Variants in DYM observed in about 807,000 individuals in gnomAD.
The protein encoded by DYM is dyggve-Melchior-Clausen syndrome protein.
DYM carries 78 observed loss-of-function variants against 93.1 expected under a neutral mutation model. The ratio of observed to expected loss-of-function variants is 0.84; its 90% CI spans 0.70 to 1.01. DYM has a LOEUF of 1.01. Ranked by LOEUF, DYM falls within the 50% of genes least tolerant of loss-of-function variation. DYM has a pLI of 0.00. For missense variants in DYM, 789 were observed against 845.0 expected, an observed-to-expected ratio of 0.93 and a Z score of 0.82; for synonymous variants, 321 against 319.7, an observed-to-expected ratio of 1.00 and a Z score of -0.04.
intron 1 of DYM, among the ~76,000 whole-genome samples, chr18:49,446,678 TAC>T (rs1304984427): frequency 3.9e-5 from 6 of 152,278 alleles, no homozygotes; most frequent in Non-Finnish European, 8.8e-5. Flanking sequence ...GGGAATGATA[TAC>T]AGAGATACGG....
intron 1 of DYM, among the ~76,000 whole-genome samples, chr18:49,443,690 A>C (rs73445789): frequency 0.036 from 5,528 of 152,278 alleles, 319 homozygotes; most frequent in African/African-American, 0.12. Flanking sequence ...GAGCAGGAAA[A>C]TGGGCAAATG....
At position 49,333,774 on chromosome 18, in the gene DYM, C is replaced by G. The variant is rs1383825368; in HGVS notation, c.574G>C (p.Val192Leu). The G allele has an allele frequency of 6.2e-7, 1 of 1,613,918 alleles. No individual in the cohort carries two copies. The highest frequency in any genetic ancestry group is 8.5e-7 in the Non-Finnish European group (1 of 1,179,948). Residue 192 changes from valine to leucine, a missense_variant, in exon 7 of 18, where the codon GTT (valine) becomes CTT (leucine). Physicochemically the swap from Val to Leu is conservative, Grantham distance 32. This residue lies in a region of DYM where 450 missense variants were observed against 436.2 expected (regional missense o/e 1.03). Transcript: ENST00000675505. ...TTGTGGCTGATGCTCTGTCGCAAAA[C>G]TTCTTTGTGGAAGAGTTGGCAGGAA... Reference protein sequence around the residue: ...FLSCQLFHKEVLRQSISHKYL... With the variant: ...FLSCQLFHKELLRQSISHKYL...
chr18:49,247,930 C>A (rs1294050530), intron 13 of DYM, among the ~76,000 whole-genome samples: 1 of 152,166 alleles, frequency 6.6e-6, no homozygotes, highest in Non-Finnish European at 1.5e-5. Context: ...TTCAAAGTAC[C>A]ACTGGCTGTA....
intron 17 of DYM, among the ~76,000 whole-genome samples, chr18:49,069,728 C>T (rs1250983064): frequency 1.3e-5 from 2 of 152,098 alleles, no homozygotes; most frequent in East Asian, 3.9e-4. Context: ...GACTTGGGAA[C>T]CAGATGGCTA....
chr18:49,128,444 A>C (rs1390873463), intron 15 of DYM, among the ~76,000 whole-genome samples: 1 of 152,242 alleles, frequency 6.6e-6, no homozygotes, highest in Non-Finnish European at 1.5e-5. Context: ...ATCTAAGTAA[A>C]GCAATACTTT....
At chr18:49,276,928 G>A (rs1233469220) in intron 10 of DYM, among the ~76,000 whole-genome samples, 2 of 152,128 alleles carry the variant, frequency 1.3e-5, no homozygotes, top group African/African-American at 4.8e-5. Context: ...CAAAGGAATC[G>A]CAATGAGGAA....
intron 5 of DYM, among the ~76,000 whole-genome samples, chr18:49,369,252 G>C (rs913776384): frequency 1.3e-5 from 2 of 152,138 alleles, no homozygotes; most frequent in African/African-American, 2.4e-5. Context: ...CTGAGCCCTC[G>C]TCTCAGTAGG....
chr18:49,228,616 C>T (rs1199992389), intron 13 of DYM, among the ~76,000 whole-genome samples: 5 of 152,162 alleles, frequency 3.3e-5, no homozygotes, highest in Admixed American at 3.3e-4. Context: ...TTATAGTTAT[C>T]ACTTTATTCA....
At chr18:49,183,006 G>A (rs542677355) in intron 14 of DYM, among the ~76,000 whole-genome samples, 13 of 152,278 alleles carry the variant, frequency 8.5e-5, no homozygotes, top group Admixed American at 3.3e-4. Context: ...GATATTTTAC[G>A]TAGAAACTTA....
chr18:49,133,401 AAAC>A (rs2083551572), intron 15 of DYM, among the ~76,000 whole-genome samples: 1 of 152,196 alleles, frequency 6.6e-6, no homozygotes, highest in African/African-American at 2.4e-5. Context: ...TAGCCGCTTA[AAAC>A]AACACAAAAT....
At chr18:49,443,517 A>G (rs922604529) in intron 1 of DYM, among the ~76,000 whole-genome samples, 2 of 152,212 alleles carry the variant, frequency 1.3e-5, no homozygotes, top group Non-Finnish European at 2.9e-5. Context: ...TGGACTGTAG[A>G]TTGTTTAAAT....
intron 6 of DYM, among the ~76,000 whole-genome samples, chr18:49,355,330 T>G (rs2065456402): frequency 6.6e-6 from 1 of 151,972 alleles, no homozygotes; most frequent in African/African-American, 2.4e-5. Flanking sequence ...CATCAATGTA[T>G]AGACAGATGT....
chr18:49,219,510 A>T (rs2093249955), intron 13 of DYM, among the ~76,000 whole-genome samples: 1 of 152,102 alleles, frequency 6.6e-6, no homozygotes, highest in African/African-American at 2.4e-5. Flanking sequence ...ATCCTCAATA[A>T]AATACTGGCA....
chr18:49,406,790 C>A (rs568187602), intron 2 of DYM, among the ~76,000 whole-genome samples: 1 of 152,298 alleles, frequency 6.6e-6, no homozygotes, highest in Non-Finnish European at 1.5e-5. Context: ...TTGGCAATTT[C>A]CTATAAGGCT....
chr18:49,107,671 C>T (rs1599796874), intron 16 of DYM, among the ~76,000 whole-genome samples: 1 of 152,332 alleles, frequency 6.6e-6, no homozygotes, highest in South Asian at 2.1e-4. Flanking sequence ...TGGAGGTCCA[C>T]TCCAGACGCT....
intron 15 of DYM, among the ~76,000 whole-genome samples, chr18:49,153,380 G>A (rs567218807): frequency 6.6e-6 from 1 of 152,216 alleles, no homozygotes; most frequent in East Asian, 1.9e-4. Context: ...TTATTCACAG[G>A]GTTTGGCTCT....
At chr18:49,167,766 C>T (rs972290850) in intron 14 of DYM, among the ~76,000 whole-genome samples, 2 of 152,092 alleles carry the variant, frequency 1.3e-5, no homozygotes, top group Admixed American at 6.6e-5. Context: ...TTTAAGTTAG[C>T]TTAATATTCA....
At chr18:49,259,348 T>G (rs1414765112) in intron 11 of DYM, among the ~76,000 whole-genome samples, 1 of 152,196 alleles carries the variant, frequency 6.6e-6, no homozygotes, top group Non-Finnish European at 1.5e-5. Flanking sequence ...AAGACTCTCT[T>G]CTAATTACCA....
intron 15 of DYM, among the ~76,000 whole-genome samples, chr18:49,158,209 C>CCACA (rs2086662282): frequency 6.6e-6 from 1 of 152,166 alleles, no homozygotes; most frequent in Non-Finnish European, 1.5e-5. Context: ...TTCTGACAAC[C>CCACA]CACAAGTTTG....
Sources: gnomAD v4.1 joint callset for allele counts (sites outside exome capture counted in the v4.1 genomes callset) on GRCh38, gnomAD v4.1.1 for gene constraint, gnomAD v4.1.1 regional missense constraint, MANE v1.5 for transcripts, NCBI Gene and HGNC (gene_info 2026-07-23, HGNC 2026-07-21) for gene names.